ASAP1: variants seen among roughly 807,000 people sequenced by gnomAD.
The protein encoded by ASAP1 is arf-GAP with SH3 domain, ANK repeat and PH domain-containing protein 1.
Under a neutral mutation model 145.2 loss-of-function variants are expected in ASAP1, and 43 were observed. That is an observed-to-expected ratio of 0.30 (90% CI 0.23 to 0.38). The LOEUF (loss-of-function observed/expected upper bound fraction) is 0.38, where lower values mean the gene tolerates loss of function less well. Ranked by LOEUF, ASAP1 falls within the 10% of genes least tolerant of loss-of-function variation. The probability of loss-of-function intolerance (pLI) is 1.00; values close to 1 mark genes in which losing one functional copy is unlikely to be tolerated. For synonymous variants in ASAP1, 546 were observed against 515.5 expected, an observed-to-expected ratio of 1.06 and a Z score of -0.80; for missense variants, 1,018 against 1,355.3, an observed-to-expected ratio of 0.75 and a Z score of 3.91.
Position 130,358,149 on chromosome 8 carries a change from G to C in ASAP1, c.60-6C>G, listed in dbSNP as rs200047056. Reference sequence around the variant, plus strand: ...CAGAGATCTGGTCCGGCATCCTGCCGGGAGGGACGAGACACAAGCGGGGGC... The same window carrying C: ...CAGAGATCTGGTCCGGCATCCTGCCCGGAGGGACGAGACACAAGCGGGGGC... On this transcript the variant is annotated splice_polypyrimidine_tract_variant and splice_region_variant and intron_variant, in intron 2 of 29. Transcript: ENST00000518721. The surrounding 1 kb of genome is among the most constrained non-coding windows in gnomAD (Gnocchi z 4.1). 12 of 1,600,684 alleles carry C rather than the reference G, an allele frequency of 7.5e-6. No homozygotes were observed. Among genetic ancestry groups the C allele is most frequent in the Non-Finnish European group, 8.5e-6 (10 of 1,175,366 alleles).
chr8:130,104,111 C>G (rs2097533218), intron 24 of ASAP1, among the ~76,000 whole-genome samples: 1 of 152,164 alleles, frequency 6.6e-6, no homozygotes, highest in Non-Finnish European at 1.5e-5. Context: ...AGCTCTCCTG[C>G]CAGGGCCCGG....
At chr8:130,170,260 C>G (rs1313975612) in intron 9 of ASAP1, among the ~76,000 whole-genome samples, 1 of 151,850 alleles carries the variant, frequency 6.6e-6, no homozygotes, top group Non-Finnish European at 1.5e-5. Flanking sequence ...GATCTCAGCT[C>G]ACTGAAACCT....
intron 3 of ASAP1, among the ~76,000 whole-genome samples, chr8:130,325,124 A>G (rs1824246238): frequency 6.6e-6 from 1 of 152,228 alleles, no homozygotes; most frequent in Non-Finnish European, 1.5e-5. Context: ...AGAGAATAGC[A>G]GCAGTAATAA....
chr8:130,234,741 TAA>T (rs1818110952), intron 4 of ASAP1, among the ~76,000 whole-genome samples: 1 of 147,814 alleles, frequency 6.8e-6, no homozygotes, highest in Non-Finnish European at 1.5e-5. Flanking sequence ...CTCGTGGCTG[TAA>T]AGCAAGGGTC....
chr8:130,287,370 T>C (rs1821680274), intron 3 of ASAP1, among the ~76,000 whole-genome samples: 1 of 152,166 alleles, frequency 6.6e-6, no homozygotes, highest in Non-Finnish European at 1.5e-5. Context: ...CAATGCAGTA[T>C]AGATGATGGC....
At chr8:130,306,645 C>A (rs1823009589) in intron 3 of ASAP1, among the ~76,000 whole-genome samples, 1 of 152,142 alleles carries the variant, frequency 6.6e-6, no homozygotes, top group Non-Finnish European at 1.5e-5. Flanking sequence ...CAGCTCTCTG[C>A]ATAAGGTTAA....
chr8:130,072,824 T>TGCGCGCGCGCGCGC (rs71303498), intron 27 of ASAP1, among the ~76,000 whole-genome samples: 40 of 32,230 alleles, frequency 1.2e-3, no homozygotes, highest in Admixed American at 2.5e-3. Context: ...TGTGTGTGTG[T>TGCGCGCGCGCGCGC]GCGCGCGGGG....
intron 13 of ASAP1, among the ~76,000 whole-genome samples, chr8:130,140,570 C>G (rs180771814): frequency 3.7e-4 from 56 of 152,238 alleles, no homozygotes; most frequent in African/African-American, 1.3e-3. Context: ...AAGTATTTTG[C>G]TGATAAGGAA....
intron 3 of ASAP1, among the ~76,000 whole-genome samples, chr8:130,305,895 C>T (rs551280697): frequency 6.6e-6 from 1 of 152,156 alleles, no homozygotes; most frequent in African/African-American, 2.4e-5. Context: ...GTGCCAAGAA[C>T]TTCACATCAC....
intron 1 of ASAP1, among the ~76,000 whole-genome samples, chr8:130,429,825 A>T (rs1046878366): frequency 2.6e-5 from 4 of 152,258 alleles, no homozygotes; most frequent in African/African-American, 9.6e-5. Context: ...TTTGAAGAAT[A>T]ACGCATGTAT....
intron 2 of ASAP1, among the ~76,000 whole-genome samples, chr8:130,363,677 G>A (rs1432132582): frequency 2.6e-5 from 4 of 152,170 alleles, no homozygotes; most frequent in African/African-American, 9.7e-5. Flanking sequence ...AATGGAAACT[G>A]AGACACAATA....
chr8:130,337,438 G>A (rs1043437429), intron 3 of ASAP1, among the ~76,000 whole-genome samples: 3 of 152,316 alleles, frequency 2.0e-5, no homozygotes, highest in African/African-American at 7.2e-5. Flanking sequence ...TAACAAAAAT[G>A]AGTACACTGC....
chr8:130,085,964 A>G (rs2097492070), intron 25 of ASAP1, among the ~76,000 whole-genome samples: 1 of 152,126 alleles, frequency 6.6e-6, no homozygotes, highest in Non-Finnish European at 1.5e-5. Context: ...TGGCAGGGAA[A>G]AAGCCTGGGG....
intron 1 of ASAP1, among the ~76,000 whole-genome samples, chr8:130,417,836 C>A (rs978424197): frequency 6.6e-6 from 1 of 151,884 alleles, no homozygotes; most frequent in African/African-American, 2.4e-5. Context: ...GGCTTACATC[C>A]AGACACAATT....
At chr8:130,242,108 A>T (rs950320556) in intron 3 of ASAP1, among the ~76,000 whole-genome samples, 2 of 151,982 alleles carry the variant, frequency 1.3e-5, no homozygotes, top group African/African-American at 4.8e-5. Flanking sequence ...ATGTGCCTAG[A>T]AGTGGCTAGC....
In ASAP1 at chr8:130,123,999, T is replaced by C. The variant is rs781456090; in HGVS notation, c.1607+14A>G. On this transcript the variant is annotated intron_variant, in intron 18 of 29. Coordinates refer to ENST00000518721, the MANE Select transcript of ASAP1 (RefSeq NM_018482.4). ...GAATGGTTTAAAAAAGTTCAATATA[T>C]CAGAAATACTTACATATCACTTGAA... 85 of 1,574,844 alleles carry C rather than the reference T, an allele frequency of 5.4e-5. 1 individual carries two copies. In the Middle Eastern group the frequency reaches 1.0e-3, roughly 19 times the overall value.
intron 1 of ASAP1, among the ~76,000 whole-genome samples, chr8:130,419,624 T>C (rs566625196): frequency 1.3e-5 from 2 of 152,130 alleles, no homozygotes; most frequent in East Asian, 1.9e-4. Flanking sequence ...GCACCCCAAA[T>C]TGACCTCAGG....
At chr8:130,098,658 T>C (rs1043147113) in intron 24 of ASAP1, among the ~76,000 whole-genome samples, 14 of 152,174 alleles carry the variant, frequency 9.2e-5, no homozygotes, top group African/African-American at 3.4e-4. Context: ...TAAAAACTTT[T>C]TAGTTGACAC....
intron 3 of ASAP1, among the ~76,000 whole-genome samples, chr8:130,328,162 C>T (rs746170955): frequency 2.6e-5 from 4 of 152,062 alleles, no homozygotes; most frequent in Non-Finnish European, 5.9e-5. Flanking sequence ...ATCATCATAA[C>T]AATTCTGTGA....
Sources: allele counts gnomAD v4.1 joint callset (sites outside exome capture counted in the v4.1 genomes callset), GRCh38; gene constraint gnomAD v4.1.1; non-coding constraint Gnocchi (gnomAD v3.1); transcripts MANE v1.5; gene names NCBI Gene and HGNC (gene_info 2026-07-23, HGNC 2026-07-21).